GALNT18: variants seen among roughly 807,000 people sequenced by gnomAD.
The protein encoded by GALNT18 is polypeptide N-acetylgalactosaminyltransferase 18.
Under a neutral mutation model 69.5 loss-of-function variants are expected in GALNT18, and 44 were observed. The observed-to-expected ratio is 0.63, with a 90% confidence interval of 0.50 to 0.81. The LOEUF (loss-of-function observed/expected upper bound fraction) is 0.81, where lower values mean the gene tolerates loss of function less well. Ranked by LOEUF, GALNT18 falls within the 40% of genes least tolerant of loss-of-function variation. The pLI is 0.00. For missense variants in GALNT18, 715 were observed against 810.0 expected, an observed-to-expected ratio of 0.88 and a Z score of 1.42; for synonymous variants, 364 against 318.2, an observed-to-expected ratio of 1.14 and a Z score of -1.53.
At chr11:11,379,353 C>A (rs1156814493) in intron 3 of GALNT18, 89 bp from the exon 4 acceptor site, 9 of 1,320,552 alleles carry the variant, frequency 6.8e-6, no homozygotes, top group East Asian at 2.3e-5. Flanking sequence ...AGTGATGACC[C>A]CCAGAGAAAG....
chr11:11,372,758 G>T lies in GALNT18; in HGVS notation c.978-129C>A. 1.3e-6 allele frequency: 1 copy of T among 744,586 alleles called. No homozygotes were observed. The highest frequency in any genetic ancestry group is 2.3e-6 in the Non-Finnish European group (1 of 440,450). 46.1% of individuals were successfully genotyped at this position (744,586 alleles called of 1,614,324 possible). A position where few individuals can be genotyped will look rare whatever the true frequency, so the allele number is the denominator to read the frequency against. ...TGCTGCCAGAGCCAGTGTGAGCCTT[G>T]TTCTTGGAGTGGCCCCTGGGTCTGG... On this transcript the variant is annotated intron_variant, in intron 5 of 10. Transcript: ENST00000227756. The surrounding 1 kb of genome is among the most constrained non-coding windows in gnomAD (Gnocchi z 4.9).
At position 11,605,805 on chromosome 11, in the gene GALNT18, T is replaced by G. The variant is rs1355133862; in HGVS notation, c.235+15554A>C. Reference sequence around the variant, plus strand: ...TTGAAAGTGACCACAAGTGACAGCTTTATTAAAATGAAGATGTCGAGGGTC... The same window carrying G: ...TTGAAAGTGACCACAAGTGACAGCTGTATTAAAATGAAGATGTCGAGGGTC... On this transcript the variant is annotated intron_variant, in intron 1 of 10. Coordinates refer to ENST00000227756, the MANE Select transcript of GALNT18 (RefSeq NM_198516.3). The surrounding 1 kb of genome is among the most constrained non-coding windows in gnomAD (Gnocchi z 4.7). Among the ~76,000 whole-genome samples the G allele has an allele frequency of 6.6e-6, 1 of 152,194 alleles. No homozygotes were observed. Among genetic ancestry groups the G allele is most frequent in the Admixed American group, 6.5e-5 (1 of 15,280 alleles).
chr11:11,428,242 G>A (rs1855179858), intron 3 of GALNT18, among the ~76,000 whole-genome samples: 1 of 152,236 alleles, frequency 6.6e-6, no homozygotes. Context: ...GATCCGAAGG[G>A]CCTTTAGCCA....
chr11:11,341,589 C>T lies in GALNT18; in HGVS notation c.1093-585G>A, dbSNP rs1850208014. On this transcript the variant is annotated intron_variant, in intron 6 of 10. Transcript: ENST00000227756. This position sits in a 1 kb window ranked among gnomAD's most constrained non-coding sequence, Gnocchi z 6.3. Reference sequence around the variant, plus strand: ...AAATGATATTAAACTTCTTAGCAACCTTGGTGAATAGGAGATTGATCCGAA... The same window carrying T: ...AAATGATATTAAACTTCTTAGCAACTTTGGTGAATAGGAGATTGATCCGAA... 6.6e-6 allele frequency among the ~76,000 whole-genome samples: 1 copy of T among 152,116 alleles called. No homozygotes were observed. The highest frequency in any genetic ancestry group is 2.4e-5 in the African/African-American group (1 of 41,426).
intron 1 of GALNT18, among the ~76,000 whole-genome samples, chr11:11,481,704 G>A (rs1285973698): frequency 2.6e-5 from 4 of 152,124 alleles, no homozygotes; most frequent in Non-Finnish European, 5.9e-5. Flanking sequence ...GTTGGAATTT[G>A]GATCAGTGTG....
At chr11:11,379,631 G>A (rs1460803940) in intron 3 of GALNT18, among the ~76,000 whole-genome samples, 1 of 152,138 alleles carries the variant, frequency 6.6e-6, no homozygotes, top group Admixed American at 6.5e-5. Context: ...TTTCAAACCA[G>A]GCCTAGTGAC....
chr11:11,334,543 C>CAAA (rs5789679), intron 7 of GALNT18, among the ~76,000 whole-genome samples: 1 of 139,032 alleles, frequency 7.2e-6, no homozygotes, highest in Non-Finnish European at 1.5e-5. Flanking sequence ...ACTCCGTCTC[C>CAAA]AAAAAAAAAA....
At chr11:11,460,646 G>T (rs1246182477) in intron 1 of GALNT18, among the ~76,000 whole-genome samples, 1 of 151,860 alleles carries the variant, frequency 6.6e-6, no homozygotes, top group Non-Finnish European at 1.5e-5. Flanking sequence ...GCAAAGCAGG[G>T]ACTGAGGCAG....
At chr11:11,345,474 TGG>T in intron 6 of GALNT18, among the ~76,000 whole-genome samples, 1 of 152,140 alleles carries the variant, frequency 6.6e-6, no homozygotes. Flanking sequence ...AGGAAGTCAC[TGG>T]CATTTGGACC....
intron 9 of GALNT18, among the ~76,000 whole-genome samples, chr11:11,323,292 C>G (rs140478849): frequency 6.6e-6 from 1 of 152,194 alleles, no homozygotes; most frequent in African/African-American, 2.4e-5. Context: ...AATTTCTCTT[C>G]GAATGTGAGC....
At chr11:11,390,155 C>T (rs536910237) in intron 3 of GALNT18, among the ~76,000 whole-genome samples, 1 of 152,198 alleles carries the variant, frequency 6.6e-6, no homozygotes, top group Admixed American at 6.5e-5. Context: ...ATCCTACCCC[C>T]AGTCCCCACC....
At chr11:11,570,004 T>C (rs928233061) in intron 1 of GALNT18, 1 of 152,162 alleles carries the variant, frequency 6.6e-6, no homozygotes. Context: ...GGACTTTTCC[T>C]GGCTGGGAAA....
rs1855475373 is a variant in GALNT18 at position 11,439,019 on chromosome 11, A to T, written c.429-6232T>A. Reference sequence around the variant, plus strand: ...CCTGAGCCCCAAATAGCCATCAAAGAGCTAGCTGCAGGCCTATGAGGCAGC... The same window carrying T: ...CCTGAGCCCCAAATAGCCATCAAAGTGCTAGCTGCAGGCCTATGAGGCAGC... On this transcript the variant is annotated intron_variant, in intron 2 of 10. Transcript: ENST00000227756. This position sits in a 1 kb window ranked among gnomAD's most constrained non-coding sequence, Gnocchi z 4.4. Among the ~76,000 whole-genome samples, 2 of 152,144 alleles carry T rather than the reference A, an allele frequency of 1.3e-5. No homozygotes were observed. The highest frequency in any genetic ancestry group is 4.1e-4 in the South Asian group (2 of 4,824).
chr11:11,332,658 T>C lies in GALNT18; in HGVS notation c.1416+36A>G. 1.2e-6 allele frequency: 2 copies of C among 1,608,918 alleles called. No individual in the cohort carries two copies. Among genetic ancestry groups the C allele is most frequent in the Non-Finnish European group, 1.7e-6 (2 of 1,175,614 alleles). ...TCTTCACTATGTTTCTTTCTGTCTG[T>C]GTCTGAATGAAACCCGGAGGAGGCC... On this transcript the variant is annotated intron_variant, in intron 8 of 10. Coordinates refer to ENST00000227756, the MANE Select transcript of GALNT18 (RefSeq NM_198516.3). This position sits in a 1 kb window ranked among gnomAD's most constrained non-coding sequence, Gnocchi z 4.3.
At chr11:11,352,281 C>T (rs773490305) in intron 6 of GALNT18, 16 of 1,613,962 alleles carry the variant, frequency 9.9e-6, no homozygotes, top group South Asian at 7.7e-5. Context: ...GCGTTCCCAT[C>T]GCTTTCGAGA....
At position 11,574,134 on chromosome 11, in the gene GALNT18, C is replaced by T. The variant is rs114991899; in HGVS notation, c.235+47225G>A. Among the ~76,000 whole-genome samples, 860 of 152,264 alleles carry T rather than the reference C, an allele frequency of 5.6e-3. 12 individuals are homozygous for T. The highest frequency in any genetic ancestry group is 0.02 in the African/African-American group (828 of 41,540). Reference sequence around the variant, plus strand: ...CATGCCCCATGGGAGAGGAAGGGTACATACTGCCTCATAAGAAGTTCTATC... The same window carrying T: ...CATGCCCCATGGGAGAGGAAGGGTATATACTGCCTCATAAGAAGTTCTATC... On this transcript the variant is annotated intron_variant, in intron 1 of 10. Transcript: ENST00000227756.
At chr11:11,455,664 G>A (rs1855909763) in intron 1 of GALNT18, among the ~76,000 whole-genome samples, 1 of 152,202 alleles carries the variant, frequency 6.6e-6, no homozygotes, top group African/African-American at 2.4e-5. Flanking sequence ...CCATGGAATG[G>A]GGGCAGGAAG....
chr11:11,437,820 T>G, intron 2 of GALNT18, among the ~76,000 whole-genome samples: 1 of 151,316 alleles, frequency 6.6e-6, no homozygotes, highest in South Asian at 2.1e-4. Flanking sequence ...AGACTGTGAA[T>G]TGGGGTCTGT....
Position 11,494,009 on chromosome 11 carries a change from G to A in GALNT18, c.236-45073C>T, listed in dbSNP as rs969649277. Among the ~76,000 whole-genome samples, 3 of 151,998 alleles carry A rather than the reference G, an allele frequency of 2.0e-5. No individual in the cohort carries two copies. Among genetic ancestry groups the A allele is most frequent in the African/African-American group, 2.4e-5 (1 of 41,300 alleles). On this transcript the variant is annotated intron_variant, in intron 1 of 10. Coordinates refer to ENST00000227756, the MANE Select transcript of GALNT18 (RefSeq NM_198516.3). The surrounding 1 kb of genome is among the most constrained non-coding windows in gnomAD (Gnocchi z 5.7). Reference sequence around the variant, plus strand: ...AGGAGCACACATTACCTAAGCCATCGGTGCCTCTGTTTTCTCATCTATAAA... The same window carrying A: ...AGGAGCACACATTACCTAAGCCATCAGTGCCTCTGTTTTCTCATCTATAAA...
Sources: allele counts gnomAD v4.1 joint callset (sites outside exome capture counted in the v4.1 genomes callset), GRCh38; gene constraint gnomAD v4.1.1; non-coding constraint Gnocchi (gnomAD v3.1); transcripts MANE v1.5; gene names NCBI Gene and HGNC (gene_info 2026-07-23, HGNC 2026-07-21).